The following PCDHA9 variants were observed in gnomAD, a reference collection of about 807,000 sequenced individuals.
PCDHA9 encodes the protein protocadherin alpha-9.
In PCDHA9, 62 loss-of-function variants were observed where a neutral mutation model predicts 62.0. The ratio of observed to expected loss-of-function variants is 1.00; its 90% CI spans 0.81 to 1.23. PCDHA9 has a LOEUF of 1.23. PCDHA9 is among the 50% of genes most tolerant of loss of function. The probability of loss-of-function intolerance (pLI) is 0.00; values close to 1 mark genes in which losing one functional copy is unlikely to be tolerated. For synonymous variants in PCDHA9, 557 were observed against 567.6 expected (o/e 0.98, Z 0.27); for missense variants, 1,205 against 1,249.8 (o/e 0.96, Z 0.54).
rs144770143 is a variant in PCDHA9 at position 140,947,157 on chromosome 5, G to A, written c.2395-31792G>A. Among the ~76,000 whole-genome samples the A allele has an allele frequency of 6.6e-3, 992 of 151,208 alleles. 6 individuals are homozygous for A. The highest frequency in any genetic ancestry group is 0.022 in the African/African-American group (913 of 41,346). ...TAAAATGTATAGTTACTTCCACGGG[G>A]TAGAAAATGTGGTATATATTCATGG... On this transcript the variant is annotated intron_variant, in intron 1 of 3. Transcript: ENST00000532602.
At chr5:140,876,459 C>T (rs2056359218) in intron 1 of PCDHA9, 1 of 1,613,878 alleles carries the variant, frequency 6.2e-7, no homozygotes, top group Non-Finnish European at 8.5e-7. Flanking sequence ...GGATTCCTTC[C>T]ATGGCAGGTC....
chr5:140,851,063 G>T, intron 1 of PCDHA9, 174 bp downstream of exon 1: 3 of 1,372,672 alleles, frequency 2.2e-6, no homozygotes, highest in Non-Finnish European at 2.9e-6. Flanking sequence ...TTGACTTCTA[G>T]TGAGAATTAT....
chr5:140,872,178 A>G (rs549229832), intron 1 of PCDHA9, among the ~76,000 whole-genome samples: 2 of 149,926 alleles, frequency 1.3e-5, no homozygotes, highest in Admixed American at 6.6e-5. Context: ...TTTTTTTTTT[A>G]CAGTGTTAAA....
In PCDHA9 at chr5:140,870,746, T is replaced by C. The variant is rs781831995; in HGVS notation, c.2394+19857T>C. 5.0e-6 allele frequency: 8 copies of C among 1,613,488 alleles called. No individual in the cohort carries two copies. The East Asian group carries it at 1.8e-4, about 36-fold the overall frequency. ...GGCGTGCCGCCTCTGAGCAGCAACG[T>C]GACGCTGCAGGTGTTCGTGCTGGAC... On this transcript the variant is annotated intron_variant, in intron 1 of 3. Transcript: ENST00000532602.
At chr5:140,862,820 G>A (rs782106101) in intron 1 of PCDHA9, 2 of 574,854 alleles carry the variant, frequency 3.5e-6, no homozygotes, top group Non-Finnish European at 6.7e-6. Context: ...TTCTAGGTGA[G>A]AGCGCGCGAC....
At chr5:140,897,900 A>G (rs1173970358) in intron 1 of PCDHA9, among the ~76,000 whole-genome samples, 5 of 152,140 alleles carry the variant, frequency 3.3e-5, no homozygotes, top group Non-Finnish European at 5.9e-5. Context: ...GTGAGATGGT[A>G]TCTCATTGTG....
In PCDHA9 at chr5:140,869,783, G is replaced by A. The variant is rs990827650; in HGVS notation, c.2394+18894G>A. The A allele has an allele frequency of 1.2e-5, 19 of 1,612,688 alleles. No homozygotes were observed. In the African/African-American group the frequency reaches 1.2e-4, roughly 10 times the overall value. ...AAACCAGAGCTTACTGGCACCGTTC[G>A]GCTGTTAGTCCAAGTCTTGGATGTC... On this transcript the variant is annotated intron_variant, in intron 1 of 3. Coordinates refer to ENST00000532602, the MANE Select transcript of PCDHA9 (RefSeq NM_031857.2).
intron 3 of PCDHA9, among the ~76,000 whole-genome samples, chr5:140,998,253 T>C (rs1245576621): frequency 6.6e-6 from 1 of 152,232 alleles, no homozygotes; most frequent in Non-Finnish European, 1.5e-5. Context: ...CTCATTTTAC[T>C]GCTAAGAAAA....
At chr5:140,928,760 T>G (rs782568767) in intron 1 of PCDHA9, 6 of 1,614,060 alleles carry the variant, frequency 3.7e-6, no homozygotes, top group Non-Finnish European at 5.1e-6. Flanking sequence ...ACTGCTCGCT[T>G]AGTTCTTCCC....
chr5:140,911,792 T>C (rs1429471693), intron 1 of PCDHA9, among the ~76,000 whole-genome samples: 1 of 152,190 alleles, frequency 6.6e-6, no homozygotes, highest in Non-Finnish European at 1.5e-5. Context: ...TTTTTGGGTC[T>C]AATCATATTA....
At chr5:140,909,942 T>G (rs577556804) in intron 1 of PCDHA9, among the ~76,000 whole-genome samples, 1 of 152,304 alleles carries the variant, frequency 6.6e-6, no homozygotes, top group Non-Finnish European at 1.5e-5. Flanking sequence ...GTTACTCTGG[T>G]AAAAAGCCGT....
chr5:140,871,461 A>G, intron 1 of PCDHA9: 1 of 1,605,278 alleles, frequency 6.2e-7, no homozygotes, highest in Non-Finnish European at 8.5e-7. Context: ...AGGAAGGGGA[A>G]AGACAGGAGC....
chr5:140,983,359 A>G (rs1310994731), intron 3 of PCDHA9, among the ~76,000 whole-genome samples: 1 of 152,254 alleles, frequency 6.6e-6, no homozygotes, highest in African/African-American at 2.4e-5. Flanking sequence ...TAATAGAAAT[A>G]TGGCTTTGGA....
At position 140,849,828 on chromosome 5, in the gene PCDHA9, G is replaced by A. The variant is rs2150452288; in HGVS notation, c.1333G>A (p.Val445Met). 2.5e-6 allele frequency: 4 copies of A among 1,598,564 alleles called. No homozygotes were observed. Among genetic ancestry groups the A allele is most frequent in the East Asian group, 2.2e-5 (1 of 44,834 alleles). ...GGCCACGGCCAGGGTGTCTGTGGAG[G>A]TGGCCGACGTGAACGACAACGCACC... ...LWATARVSVE[V>M]ADVNDNAPAF... The change falls in exon 1 of 4, where the codon GTG (valine) becomes ATG (methionine). Residue 445 changes from valine (V) to methionine (M), a missense_variant. Coordinates refer to ENST00000532602, the MANE Select transcript of PCDHA9 (RefSeq NM_031857.2).
At chr5:140,852,972 G>T (rs530736735) in intron 1 of PCDHA9, 1 of 376,636 alleles carries the variant, frequency 2.7e-6, no homozygotes, top group Non-Finnish European at 3.8e-6. Context: ...TCCCCCTCCC[G>T]TGTTCACGCC....
At chr5:140,890,526 ATCT>A (rs2062679933) in intron 1 of PCDHA9, among the ~76,000 whole-genome samples, 1 of 151,278 alleles carries the variant, frequency 6.6e-6, no homozygotes, top group Admixed American at 6.6e-5. Flanking sequence ...TCCTTTGTTG[ATCT>A]TCTTTTGAAA....
At chr5:140,905,035 G>C (rs1554191907) in intron 1 of PCDHA9, among the ~76,000 whole-genome samples, 1 of 152,136 alleles carries the variant, frequency 6.6e-6, no homozygotes. Flanking sequence ...AAGCTTTTTA[G>C]TTTAATTAGG....
intron 1 of PCDHA9, chr5:140,883,444 T>C: frequency 3.1e-6 from 5 of 1,614,170 alleles, no homozygotes; most frequent in Non-Finnish European, 4.2e-6. Context: ...TGACGCCGCA[T>C]GTCCCCTTCA....
chr5:140,924,931 T>C (rs1414085243), intron 1 of PCDHA9, among the ~76,000 whole-genome samples: 1 of 125,890 alleles, frequency 7.9e-6, no homozygotes, highest in Admixed American at 8.0e-5. Context: ...TAAAATAAAA[T>C]AAAATAAAAA....
Sources: gnomAD v4.1 joint callset for allele counts (sites outside exome capture counted in the v4.1 genomes callset) on GRCh38, gnomAD v4.1.1 for gene constraint, MANE v1.5 for transcripts, NCBI Gene and HGNC (gene_info 2026-07-23, HGNC 2026-07-21) for gene names.